Variants in RPTOR observed in about 807,000 individuals in gnomAD.
RPTOR encodes the protein regulatory-associated protein of mTOR.
In RPTOR, 21 loss-of-function variants were observed where a neutral mutation model predicts 169.9. The ratio of observed to expected loss-of-function variants is 0.12; its 90% CI spans 0.09 to 0.18. The LOEUF (loss-of-function observed/expected upper bound fraction) is 0.18. Ranked by LOEUF, RPTOR falls within the 10% of genes least tolerant of loss-of-function variation. RPTOR has a pLI of 1.00. For synonymous variants in RPTOR, 732 were observed against 753.2 expected (o/e 0.97, Z 0.46); for missense variants, 1,133 against 1,855.9 (o/e 0.61, Z 7.16).
chr17:80,856,131 G>T (rs1284930758), intron 12 of RPTOR, among the ~76,000 whole-genome samples: 5 of 152,226 alleles, frequency 3.3e-5, no homozygotes, highest in Non-Finnish European at 7.3e-5. Flanking sequence ...AAGGAAACTC[G>T]AGAGACCTAT....
intron 3 of RPTOR, among the ~76,000 whole-genome samples, chr17:80,660,270 C>CAA (rs35167825): frequency 9.8e-4 from 101 of 103,070 alleles, no homozygotes; most frequent in African/African-American, 2.2e-3. Context: ...GACTGTGTCT[C>CAA]AAAAAAAAAA....
intron 1 of RPTOR, among the ~76,000 whole-genome samples, chr17:80,600,951 C>G (rs1242752571): frequency 6.6e-6 from 1 of 151,348 alleles, no homozygotes; most frequent in Admixed American, 6.6e-5. Flanking sequence ...TGCAGTGTAA[C>G]TGTGAAACGC....
chr17:80,814,315 C>T (rs187146079), intron 7 of RPTOR, among the ~76,000 whole-genome samples: 2 of 152,232 alleles, frequency 1.3e-5, no homozygotes, highest in African/African-American at 4.8e-5. Context: ...TAAAATCATC[C>T]ATTTTCTCCA....
At chr17:80,864,308 T>C (rs1321158105) in intron 13 of RPTOR, among the ~76,000 whole-genome samples, 1 of 130,788 alleles carries the variant, frequency 7.6e-6, no homozygotes, top group African/African-American at 2.9e-5. Flanking sequence ...TTCCTACAGA[T>C]GGAAAAGGTG....
intron 6 of RPTOR, among the ~76,000 whole-genome samples, chr17:80,788,340 C>T (rs992101725): frequency 1.3e-5 from 2 of 151,926 alleles, no homozygotes; most frequent in Middle Eastern, 3.2e-3. Context: ...GGCATGGTGG[C>T]GGGAGGCTGA....
At chr17:80,685,048 T>C (rs1598219566) in intron 3 of RPTOR, among the ~76,000 whole-genome samples, 2 of 146,692 alleles carry the variant, frequency 1.4e-5, no homozygotes, top group East Asian at 1.9e-4. Context: ...AATGTGTATG[T>C]AGTTTTTTTC....
intron 3 of RPTOR, among the ~76,000 whole-genome samples, chr17:80,644,281 G>A (rs2143599166): frequency 6.7e-6 from 1 of 149,814 alleles, no homozygotes; most frequent in Admixed American, 6.6e-5. Context: ...TTCTTTTTAG[G>A]GAGCCAGTTA....
chr17:80,622,995 A>G (rs2065366029), intron 1 of RPTOR, among the ~76,000 whole-genome samples: 1 of 152,200 alleles, frequency 6.6e-6, no homozygotes, highest in African/African-American at 2.4e-5. Flanking sequence ...CCTTTTTCCT[A>G]TACAACTTTA....
intron 11 of RPTOR, among the ~76,000 whole-genome samples, chr17:80,849,110 G>C (rs2672899): frequency 0.88 from 134,401 of 152,268 alleles, 59,385 homozygotes; most frequent in South Asian, 0.9. Context: ...CCCCCCGGGA[G>C]TGGCTTCTTT....
chr17:80,673,519 G>C (rs1380155190), intron 3 of RPTOR, among the ~76,000 whole-genome samples: 1 of 152,194 alleles, frequency 6.6e-6, no homozygotes, highest in East Asian at 1.9e-4. Context: ...TGTCATCGTT[G>C]TTTGGCCTCC....
chr17:80,725,002 T>C (rs1043881183), intron 4 of RPTOR, among the ~76,000 whole-genome samples: 1 of 152,178 alleles, frequency 6.6e-6, no homozygotes, highest in African/African-American at 2.4e-5. Context: ...ACTCATCTGT[T>C]TGGTATGTGA....
chr17:80,961,565 C>T, intron 31 of RPTOR, 85 bp downstream of exon 31: 1 of 1,393,324 alleles, frequency 7.2e-7, no homozygotes. Flanking sequence ...GGTATTTAAA[C>T]AGCTGGAAGG....
At chr17:80,604,291 C>T (rs191476249) in intron 1 of RPTOR, among the ~76,000 whole-genome samples, 1 of 152,312 alleles carries the variant, frequency 6.6e-6, no homozygotes, top group Admixed American at 6.5e-5. Context: ...CAGAACTTTT[C>T]TGAGCTTATG....
chr17:80,606,705 G>A (rs968113450), intron 1 of RPTOR, among the ~76,000 whole-genome samples: 2 of 152,224 alleles, frequency 1.3e-5, no homozygotes. Flanking sequence ...GAATGGATCT[G>A]TCTACTTATC....
intron 11 of RPTOR, among the ~76,000 whole-genome samples, chr17:80,852,869 C>T (rs1422304668): frequency 6.6e-6 from 1 of 152,142 alleles, no homozygotes; most frequent in Non-Finnish European, 1.5e-5. Context: ...CCGCCATCTC[C>T]TCTCCCCTCC....
chr17:80,679,770 A>T (rs1373664538), intron 3 of RPTOR, among the ~76,000 whole-genome samples: 1 of 152,278 alleles, frequency 6.6e-6, no homozygotes, highest in Non-Finnish European at 1.5e-5. Flanking sequence ...GTTGTCATTC[A>T]AAGTTCTGCC....
At chr17:80,585,518 T>TC (rs1184625061) in intron 1 of RPTOR, among the ~76,000 whole-genome samples, 1 of 152,124 alleles carries the variant, frequency 6.6e-6, no homozygotes, top group African/African-American at 2.4e-5. Flanking sequence ...TATTATTTTT[T>TC]CCTCAGTGCC....
Position 80,686,916 on chromosome 17 carries a change from G to A in RPTOR, c.349-20925G>A, listed in dbSNP as rs528455724. Among the ~76,000 whole-genome samples the A allele has an allele frequency of 4.6e-5, 7 of 152,280 alleles. No individual in the cohort carries two copies. In the South Asian group the frequency reaches 8.3e-4, roughly 18 times the overall value. ...GAGGCCTTAAAAGCAGATGCCATGC[G>A]AGTTAAAATCACACAGCTTATTGCA... On this transcript the variant is annotated intron_variant, in intron 3 of 33. Transcript: ENST00000306801.
At chr17:80,825,953 G>A (rs1001653018) in intron 9 of RPTOR, among the ~76,000 whole-genome samples, 8 of 152,190 alleles carry the variant, frequency 5.3e-5, no homozygotes, top group African/African-American at 1.4e-4. Context: ...GACACTGCTC[G>A]TGAGTGGAGC....
Sources: allele counts gnomAD v4.1 joint callset (sites outside exome capture counted in the v4.1 genomes callset), GRCh38; gene constraint gnomAD v4.1.1; transcripts MANE v1.5; gene names NCBI Gene and HGNC (gene_info 2026-07-23, HGNC 2026-07-21).